FRAS1: variants seen among roughly 807,000 people sequenced by gnomAD.
The protein encoded by FRAS1 is Fraser extracellular matrix complex subunit 1.
FRAS1 carries 290 observed loss-of-function variants against 435.2 expected under a neutral mutation model. The observed-to-expected ratio is 0.67, with a 90% CI of 0.61 to 0.73. The LOEUF (loss-of-function observed/expected upper bound fraction) is 0.73. Among genes scored for constraint, FRAS1 ranks in the 30% least tolerant of loss-of-function variants. The pLI is 0.00. For synonymous variants in FRAS1, 1,800 were observed against 1,851.0 expected, an observed-to-expected ratio of 0.97 and a Z score of 0.71; for missense variants, 4,860 against 5,001.5, an observed-to-expected ratio of 0.97 and a Z score of 0.85.
At chr4:78,378,188 A>G (rs923917400) in intron 26 of FRAS1, among the ~76,000 whole-genome samples, 3 of 152,258 alleles carry the variant, frequency 2.0e-5, no homozygotes, top group Admixed American at 6.5e-5. Flanking sequence ...CCTTTTATGT[A>G]TGGCTGCTTT....
chr4:78,235,266 C>T (rs1273762020), intron 2 of FRAS1, among the ~76,000 whole-genome samples: 1 of 152,166 alleles, frequency 6.6e-6, no homozygotes, highest in African/African-American at 2.4e-5. Context: ...AACAAGTGGG[C>T]ACCATAGCCT....
At chr4:78,463,956 T>G (rs1288153056) in intron 47 of FRAS1, 65 bp from the exon 48 acceptor site, 21 of 1,578,236 alleles carry the variant, frequency 1.3e-5, no homozygotes, top group Non-Finnish European at 1.8e-5. Flanking sequence ...GACACTTCCC[T>G]AGCCTTAGAT....
chr4:78,340,151 C>T (rs1035634231), intron 20 of FRAS1, among the ~76,000 whole-genome samples: 5 of 152,010 alleles, frequency 3.3e-5, no homozygotes, highest in Non-Finnish European at 7.4e-5. Flanking sequence ...TAATAGGGAA[C>T]CTTTAGAAGG....
At chr4:78,372,525 T>G (rs1291918217) in intron 23 of FRAS1, among the ~76,000 whole-genome samples, 193 bp from the exon 24 acceptor site, 1 of 152,138 alleles carries the variant, frequency 6.6e-6, no homozygotes, top group Non-Finnish European at 1.5e-5. Flanking sequence ...CTAACATAAT[T>G]AGGGAACACT....
intron 26 of FRAS1, 108 bp downstream of exon 26, chr4:78,375,987 C>A: frequency 3.0e-6 from 4 of 1,311,508 alleles, no homozygotes; most frequent in Non-Finnish European, 3.2e-6. Context: ...GCAGCATTCC[C>A]AATTTGGGAA....
chr4:78,097,609 CA>C (rs1741875251), intron 2 of FRAS1, among the ~76,000 whole-genome samples: 1 of 152,154 alleles, frequency 6.6e-6, no homozygotes, highest in Non-Finnish European at 1.5e-5. Context: ...AGAGCTTGTG[CA>C]GGGAAACTTC....
chr4:78,057,757 G>C lies in FRAS1; in HGVS notation c.-253G>C. ...TCTTATTCTCCCAAAGCTCACGTTG[G>C]CGTCCTGCCTTGCGGGGGAACTCGG... On this transcript the variant is annotated 5_prime_UTR_variant, in exon 1 of 74. Coordinates refer to ENST00000512123, the MANE Select transcript of FRAS1 (RefSeq NM_025074.7). The surrounding 1 kb of genome is among the most constrained non-coding windows in gnomAD (Gnocchi z 4.2). The C allele has an allele frequency of 1.8e-6, 1 of 545,468 alleles. No individual in the cohort carries two copies. Among genetic ancestry groups the C allele is most frequent in the Non-Finnish European group, 3.3e-6 (1 of 306,870 alleles). 33.8% of individuals were successfully genotyped at this position (545,468 alleles called of 1,614,324 possible).
chr4:78,095,679 T>C (rs1370045458), intron 2 of FRAS1, among the ~76,000 whole-genome samples: 1 of 152,212 alleles, frequency 6.6e-6, no homozygotes, highest in African/African-American at 2.4e-5. Flanking sequence ...AAAGAGAGTT[T>C]GTGCAGGGAA....
chr4:78,403,790 G>A (rs991050404), intron 30 of FRAS1, among the ~76,000 whole-genome samples: 6 of 152,068 alleles, frequency 3.9e-5, no homozygotes, highest in Non-Finnish European at 7.4e-5. Flanking sequence ...CTAACCTACC[G>A]AACATCATAG....
chr4:78,317,306 A>G, intron 16 of FRAS1, 62 bp from the exon 17 acceptor site: 1 of 1,592,548 alleles, frequency 6.3e-7, no homozygotes, highest in Non-Finnish European at 8.6e-7. Context: ...AAGCCCAGCC[A>G]GGAAGTGGGC....
chr4:78,487,816 G>A (rs1171216046), intron 58 of FRAS1, among the ~76,000 whole-genome samples: 1 of 152,086 alleles, frequency 6.6e-6, no homozygotes, highest in African/African-American at 2.4e-5. Flanking sequence ...ATTTATATAT[G>A]AAAAATATCC....
At position 78,099,591 on chromosome 4, in the gene FRAS1, A is replaced by T. The variant is rs1048754912; in HGVS notation, c.108+33575A>T. On this transcript the variant is annotated intron_variant, in intron 2 of 73. Transcript: ENST00000512123. ...GCACTGTTACAGGTGCTTCACACTT[A>T]TCCATTCATTCATAATCTTACTCAT... 4.6e-5 allele frequency among the ~76,000 whole-genome samples: 7 copies of T among 152,344 alleles called. No homozygotes were observed. In the East Asian group the frequency reaches 5.8e-4, roughly 13 times the overall value.
At chr4:78,526,821 A>C (rs1212976077) in intron 70 of FRAS1, among the ~76,000 whole-genome samples, 164 bp downstream of exon 70, 1 of 152,132 alleles carries the variant, frequency 6.6e-6, no homozygotes, top group Non-Finnish European at 1.5e-5. Context: ...TAACACACAC[A>C]TCCCCAGCTG....
chr4:78,470,205 A>C, intron 51 of FRAS1, 114 bp downstream of exon 51: 2 of 657,280 alleles, frequency 3.0e-6, no homozygotes, highest in African/African-American at 1.8e-5. Flanking sequence ...TCCCTCCCTA[A>C]ATAAACTGAT....
At chr4:78,304,851 CT>C (rs1218906081) in intron 14 of FRAS1, among the ~76,000 whole-genome samples, 6 of 151,380 alleles carry the variant, frequency 4.0e-5, no homozygotes, top group African/African-American at 1.5e-4. Flanking sequence ...TTTTTTGTGT[CT>C]CTATTTCCTT....
At chr4:78,485,642 G>T (rs1360474493) in intron 58 of FRAS1, among the ~76,000 whole-genome samples, 2 of 152,050 alleles carry the variant, frequency 1.3e-5, no homozygotes, top group Non-Finnish European at 2.9e-5. Flanking sequence ...AACATTCTAG[G>T]GTAGAAAGAT....
chr4:78,232,486 C>T (rs1468688100), intron 2 of FRAS1, among the ~76,000 whole-genome samples: 1 of 152,052 alleles, frequency 6.6e-6, no homozygotes, highest in African/African-American at 2.4e-5. Flanking sequence ...AGGGTTTCAC[C>T]GTGTTAGCCA....
rs189427029 is a variant in FRAS1, at chr4:78,456,719, G to T, written c.6763+4365G>T. Among the ~76,000 whole-genome samples the T allele has an allele frequency of 2.0e-5, 3 of 152,298 alleles. No individual in the cohort carries two copies. In the East Asian group the frequency reaches 5.8e-4, roughly 29 times the overall value. On this transcript the variant is annotated intron_variant, in intron 47 of 73. Coordinates refer to ENST00000512123, the MANE Select transcript of FRAS1 (RefSeq NM_025074.7). ...TGGTGGCTAAACAAACATTTAGAGG[G>T]TAGAGATAGGGATGCTATTAACAAA... is the stretch of plus-strand genomic sequence containing the variant.
intron 2 of FRAS1, among the ~76,000 whole-genome samples, chr4:78,224,540 T>A (rs986572349): frequency 6.6e-6 from 1 of 152,146 alleles, no homozygotes; most frequent in Non-Finnish European, 1.5e-5. Flanking sequence ...GGCATATAAC[T>A]TTTGTTTTTT....
Sources: gnomAD v4.1 joint callset for allele counts (sites outside exome capture counted in the v4.1 genomes callset) on GRCh38, gnomAD v4.1.1 for gene constraint, Gnocchi (gnomAD v3.1) non-coding constraint, MANE v1.5 for transcripts, NCBI Gene and HGNC (gene_info 2026-07-23, HGNC 2026-07-21) for gene names.